The following NCOA2 variants were observed in gnomAD, a reference collection of about 807,000 sequenced individuals.
NCOA2 encodes the protein class E basic helix-loop-helix protein 75.
NCOA2 carries 21 observed loss-of-function variants against 145.1 expected under a neutral mutation model. The observed-to-expected ratio is 0.14, with a 90% CI of 0.10 to 0.21. The LOEUF (loss-of-function observed/expected upper bound fraction) is 0.21. NCOA2 is among the 10% of genes least tolerant of loss of function. The probability of loss-of-function intolerance (pLI) is 1.00; values close to 1 mark genes in which losing one functional copy is unlikely to be tolerated. For synonymous variants in NCOA2, 619 were observed against 637.5 expected (o/e 0.97, Z 0.44); for missense variants, 1,472 against 1,837.6 (o/e 0.80, Z 3.64).
intron 2 of NCOA2, among the ~76,000 whole-genome samples, chr8:70,217,069 G>T (rs1238004222): frequency 1.3e-5 from 2 of 152,128 alleles, no homozygotes; most frequent in Non-Finnish European, 2.9e-5. Context: ...ACCAGCTCTG[G>T]GTTTGGGCTG....
At chr8:70,320,908 G>A (rs73288536) in intron 1 of NCOA2, among the ~76,000 whole-genome samples, 5,558 of 152,168 alleles carry the variant, frequency 0.037, 356 homozygotes, top group African/African-American at 0.13. Context: ...AAGAACTAAG[G>A]TTTTATCTAC....
At chr8:70,376,367 A>ACG (rs1407758643) in intron 1 of NCOA2, among the ~76,000 whole-genome samples, 48 of 150,666 alleles carry the variant, frequency 3.2e-4, no homozygotes, top group African/African-American at 1.0e-3. Flanking sequence ...GTACACACAC[A>ACG]CGCACACACA....
At chr8:70,420,936 C>T in the NCOA2 span, among the ~76,000 whole-genome samples, 1 of 152,042 alleles carries the variant, frequency 6.6e-6, no homozygotes, top group Admixed American at 6.6e-5. Context: ...AGCCACTGCA[C>T]CCGGCCAGAA....
intron 1 of NCOA2, among the ~76,000 whole-genome samples, chr8:70,308,447 G>C (rs1422920909): frequency 6.6e-6 from 1 of 151,934 alleles, no homozygotes; most frequent in African/African-American, 2.4e-5. Context: ...GTGTGTGTGT[G>C]TATCTGTGAG....
intron 19 of NCOA2, 168 bp downstream of exon 19, chr8:70,126,645 G>A: frequency 7.9e-6 from 5 of 630,420 alleles, no homozygotes; most frequent in Non-Finnish European, 1.4e-5. Context: ...TGGACTTGGG[G>A]ACTCCTCACA....
At chr8:70,376,100 T>A (rs1811641938) in intron 1 of NCOA2, among the ~76,000 whole-genome samples, 1 of 152,168 alleles carries the variant, frequency 6.6e-6, no homozygotes, top group Admixed American at 6.5e-5. Context: ...TATTCCGTAA[T>A]ACACCAGTAG....
At chr8:70,127,106 A>C in intron 18 of NCOA2, 59 bp from the exon 19 acceptor site, 1 of 1,248,296 alleles carries the variant, frequency 8.0e-7, no homozygotes, top group Non-Finnish European at 1.2e-6. Context: ...ATTAAAAAAC[A>C]AAGTGAGTAT....
At chr8:70,304,027 T>G (rs1439776906) in intron 1 of NCOA2, among the ~76,000 whole-genome samples, 1 of 152,134 alleles carries the variant, frequency 6.6e-6, no homozygotes, top group Non-Finnish European at 1.5e-5. Context: ...CTCCTTAGCT[T>G]TTTTCCCCTA....
At position 70,174,750 on chromosome 8, in the gene NCOA2, T is replaced by A; in HGVS notation, c.363+6A>T. ...AAAATACAGCACTAAAATGAAGATG[T>A]GCTACCTCAAGCATCATAGGCCCCA... On this transcript the variant is annotated splice_donor_region_variant and intron_variant, in intron 5 of 22. Coordinates refer to ENST00000452400, the MANE Select transcript of NCOA2 (RefSeq NM_006540.4). The A allele has an allele frequency of 1.9e-6, 3 of 1,610,752 alleles. No homozygotes were observed.
intron 15 of NCOA2, among the ~76,000 whole-genome samples, chr8:70,133,574 GA>G (rs2131619268): frequency 6.6e-6 from 1 of 152,268 alleles, no homozygotes; most frequent in Admixed American, 6.5e-5. Flanking sequence ...TACTAAAAGG[GA>G]AAATGGTATT....
chr8:70,212,387 G>C (rs1001766311), intron 4 of NCOA2, among the ~76,000 whole-genome samples: 6 of 152,272 alleles, frequency 3.9e-5, no homozygotes, highest in African/African-American at 1.4e-4. Flanking sequence ...AAAGGGAAAA[G>C]AAAGACGAGT....
intron 1 of NCOA2, among the ~76,000 whole-genome samples, chr8:70,370,152 T>C (rs1811082736): frequency 6.6e-6 from 1 of 152,146 alleles, no homozygotes; most frequent in Non-Finnish European, 1.5e-5. Flanking sequence ...CCCAAAGAGC[T>C]GGGATTACAG....
chr8:70,287,014 G>A (rs974664740), intron 2 of NCOA2, among the ~76,000 whole-genome samples: 13 of 152,100 alleles, frequency 8.5e-5, no homozygotes, highest in African/African-American at 2.9e-4. Context: ...AGGCAGAGAT[G>A]GGCGGATCAC....
chr8:70,204,326 AT>A (rs1378961959), intron 4 of NCOA2, among the ~76,000 whole-genome samples: 1 of 152,178 alleles, frequency 6.6e-6, no homozygotes, highest in Admixed American at 6.5e-5. Context: ...TTCAAAATAT[AT>A]TCTAGTCGAC....
At chr8:70,201,898 C>T (rs1039671129) in intron 4 of NCOA2, among the ~76,000 whole-genome samples, 3 of 152,186 alleles carry the variant, frequency 2.0e-5, no homozygotes, top group African/African-American at 7.2e-5. Context: ...GACTTCTAAT[C>T]TGCCTCAAAG....
At chr8:70,218,127 G>A (rs1457517513) in intron 2 of NCOA2, among the ~76,000 whole-genome samples, 1 of 151,966 alleles carries the variant, frequency 6.6e-6, no homozygotes, top group Non-Finnish European at 1.5e-5. Flanking sequence ...CCTGTAATCT[G>A]GGCTGCCCAG....
intron 2 of NCOA2, among the ~76,000 whole-genome samples, chr8:70,259,674 G>T (rs1823948046): frequency 6.6e-6 from 1 of 152,068 alleles, no homozygotes; most frequent in Non-Finnish European, 1.5e-5. Flanking sequence ...TATAAAACTA[G>T]AAATAGAATT....
chr8:70,357,922 C>CCA (rs1047456003), intron 1 of NCOA2, among the ~76,000 whole-genome samples: 2 of 149,198 alleles, frequency 1.3e-5, no homozygotes, highest in African/African-American at 5.0e-5. Context: ...TTGGTGGTGT[C>CCA]CACCAGTGAT....
chr8:70,442,137 A>AG, the NCOA2 span, among the ~76,000 whole-genome samples: 3 of 52,278 alleles, frequency 5.7e-5, no homozygotes, highest in African/African-American at 1.1e-4. Flanking sequence ...GAAAGAAAGA[A>AG]AGAAAGAAAG....
Sources: allele counts gnomAD v4.1 joint callset (sites outside exome capture counted in the v4.1 genomes callset), GRCh38; gene constraint gnomAD v4.1.1; transcripts MANE v1.5; gene names NCBI Gene and HGNC (gene_info 2026-07-23, HGNC 2026-07-21).